The following MATK variants were observed in gnomAD, a reference collection of about 807,000 sequenced individuals.
MATK encodes the protein megakaryocyte-associated tyrosine kinase.
In MATK, 41 loss-of-function variants were observed where a neutral mutation model predicts 59.8. The ratio of observed to expected loss-of-function variants is 0.69; its 90% CI spans 0.53 to 0.89. The LOEUF is 0.89. MATK is among the 40% of genes least tolerant of loss of function. The pLI, the probability that MATK is intolerant of heterozygous loss-of-function variation, is 0.00. For synonymous variants in MATK, 308 were observed against 306.1 expected, an observed-to-expected ratio of 1.01 and a Z score of -0.06; for missense variants, 593 against 719.6, an observed-to-expected ratio of 0.82 and a Z score of 2.01.
chr19:3,782,700 T>C (rs1356526696), intron 7 of MATK: 3 of 191,588 alleles, frequency 1.6e-5, no homozygotes, highest in South Asian at 1.0e-4. Flanking sequence ...GATAGAAAGA[T>C]AACCTTGAGG....
intron 4 of MATK, 37 bp from the exon 5 acceptor site, chr19:3,784,276 G>A (rs2037446037): frequency 6.3e-7 from 1 of 1,599,134 alleles, no homozygotes; most frequent in Non-Finnish European, 8.5e-7. Context: ...TGTGGGGGGT[G>A]TGGGGGTGGT....
At chr19:3,790,547 C>T (rs1224183162), upstream of MATK, among the ~76,000 whole-genome samples, 1 of 152,212 alleles carries the variant, frequency 6.6e-6, no homozygotes, top group Admixed American at 6.5e-5. Flanking sequence ...GCCTAAAATG[C>T]TCAGCCTGGC....
At chr19:3,792,576 C>A (rs1456866461) in intron 1 of MATK, among the ~76,000 whole-genome samples, 1 of 132,182 alleles carries the variant, frequency 7.6e-6, no homozygotes, top group Admixed American at 9.2e-5. Flanking sequence ...TGCAGTGGTG[C>A]GATCTCAGCT....
intron 7 of MATK, 128 bp downstream of exon 7, chr19:3,782,998 T>A: frequency 2.5e-6 from 2 of 795,414 alleles, no homozygotes; most frequent in Non-Finnish European, 4.1e-6. Flanking sequence ...AGGTCTTCTA[T>A]CCCATAGCTG....
chr19:3,783,837 A>C lies in MATK; in HGVS notation c.559T>G (p.Cys187Gly). Reference protein sequence around the residue: ...HLTIDEAVFFCNLMDMVEHYS... With the variant: ...HLTIDEAVFFGNLMDMVEHYS... ...ACCTCCACCATGTCCATGAGGTTGC[A>C]GAAGAACACGGCCTCATCGATTGTG... is the stretch of plus-strand genomic sequence containing the variant. Residue 187 changes from cysteine (C) to glycine (G), a missense_variant, in exon 6 of 14, where the codon TGC becomes GGC. Physicochemically the swap from Cys to Gly is radical, Grantham distance 159 (BLOSUM62 -3). Transcript: ENST00000310132. The C allele has an allele frequency of 6.2e-7, 1 of 1,612,580 alleles. No individual in the cohort carries two copies. Among genetic ancestry groups the C allele is most frequent in the East Asian group, 2.2e-5 (1 of 44,846 alleles).
chr19:3,783,374 G>A (rs2037429022), intron 6 of MATK, 155 bp from the exon 7 acceptor site: 2 of 653,672 alleles, frequency 3.1e-6, no homozygotes, highest in Non-Finnish European at 5.5e-6. Context: ...CAAGCCAAAA[G>A]GAGGGGGAGT....
chr19:3,784,964 TG>T, intron 2 of MATK, 80 bp from the exon 3 acceptor site: 1 of 1,423,882 alleles, frequency 7.0e-7, no homozygotes, highest in Non-Finnish European at 9.9e-7. Flanking sequence ...CCAGGTCAGG[TG>T]GGGGCGATGG....
chr19:3,789,432 C>A, upstream of MATK: 1 of 611,784 alleles, frequency 1.6e-6, no homozygotes. Context: ...TAGTGTCAGT[C>A]CTCCCGAGGA....
rs982708499 is a variant in MATK at position 3,786,122 on chromosome 19, C to T, written c.-152+47G>A. On this transcript the variant is annotated intron_variant, in intron 1 of 13. Transcript: ENST00000310132. This position sits in a 1 kb window ranked among gnomAD's most constrained non-coding sequence, Gnocchi z 4.1. Reference sequence around the variant, plus strand: ...GCCTAGAGCCCTCGGGGTTTCCCCCCACCCCGGCCTCGGGGTCTCTCCACG... The same window carrying T: ...GCCTAGAGCCCTCGGGGTTTCCCCCTACCCCGGCCTCGGGGTCTCTCCACG... 5 of 866,178 alleles carry T rather than the reference C, an allele frequency of 5.8e-6. No individual in the cohort carries two copies. The highest frequency in any genetic ancestry group is 5.5e-6 in the Non-Finnish European group (4 of 720,974). The allele number at this position is 866,178 out of a possible 1,614,324, so 53.7% of individuals were successfully genotyped here.
upstream of MATK, among the ~76,000 whole-genome samples, chr19:3,788,641 A>AAT (rs1568409505): frequency 6.7e-6 from 1 of 150,056 alleles, no homozygotes; most frequent in African/African-American, 2.4e-5. Context: ...AAAAAAAAAA[A>AAT]ATAGAGATGG....
rs748240029 is a variant in MATK at position 3,784,173 on chromosome 19, G to A, written c.313C>T (p.Leu105=). The change falls in exon 5 of 14, where the codon CTG becomes TTG. Residue 105 remains leucine (L), a synonymous_variant. Transcript: ENST00000310132. ...GQEGLLAAGA[L]REREALSADP... Reference sequence around the variant, plus strand: ...GCGGAGAGGGCCTCCCGCTCCCGCAGCGCCCCAGCTGCCAGCAGCCCCTCC... The same window carrying A: ...GCGGAGAGGGCCTCCCGCTCCCGCAACGCCCCAGCTGCCAGCAGCCCCTCC... The A allele has an allele frequency of 6.2e-7, 1 of 1,613,442 alleles. No homozygotes were observed.
In MATK at chr19:3,779,499, C is replaced by G. The variant is rs376555907; in HGVS notation, c.927+34G>C. 3.7e-6 allele frequency: 6 copies of G among 1,609,914 alleles called. No individual in the cohort carries two copies. In the African/African-American group the frequency reaches 4.0e-5, roughly 11 times the overall value. On this transcript the variant is annotated intron_variant, in intron 10 of 13. Coordinates refer to ENST00000310132, the MANE Select transcript of MATK (RefSeq NM_139355.3). ...GCGGGATGTTGGGGCTGCTCCGCTG[C>G]GTGGGCCCCCTCCCCGCCTGGGCCC...
intron 1 of MATK, chr19:3,793,178 C>T (rs2037558905): frequency 6.6e-6 from 1 of 152,244 alleles, no homozygotes; most frequent in Non-Finnish European, 1.5e-5. Flanking sequence ...CTTGCCCCGT[C>T]TTCCTCGTCC....
At chr19:3,797,325 C>G (rs938995214) in intron 1 of MATK, among the ~76,000 whole-genome samples, 2 of 133,756 alleles carry the variant, frequency 1.5e-5, no homozygotes, top group African/African-American at 5.7e-5. Context: ...GAGACAGGGT[C>G]TCACTCTGTT....
In MATK at chr19:3,778,530, T is replaced by C. The variant is rs2037351721; in HGVS notation, c.1263A>G (p.Gly421=). 1.2e-6 allele frequency: 2 copies of C among 1,613,654 alleles called. No individual in the cohort carries two copies. The highest frequency in any genetic ancestry group is 2.7e-5 in the African/African-American group (2 of 74,886). Residue 421 remains glycine (G), a synonymous_variant, in exon 13 of 14, where the codon GGA becomes GGG. Coordinates refer to ENST00000310132, the MANE Select transcript of MATK (RefSeq NM_139355.3). ...GVLLWEVFSY[G]RAPYPKMSLK... ...TCACCATTTTAGGGTACGGAGCCCG[T>C]CCATATGAGAAGACCTCCCAGAGCA...
chr19:3,784,817 ACACT>A lies in MATK; in HGVS notation c.132+4_132+7del, dbSNP rs779386917. Reference sequence around the variant, plus strand: ...GGGGAGCAGAGGAAGCAGGCTAGACACACTCACCGTTGGCATCCTGGCTGAGACG... The same window carrying A: ...GGGGAGCAGAGGAAGCAGGCTAGACACACCGTTGGCATCCTGGCTGAGACG... On this transcript the variant is annotated splice_donor_5th_base_variant and intron_variant, in intron 3 of 13. Coordinates refer to ENST00000310132, the MANE Select transcript of MATK (RefSeq NM_139355.3). The A allele has an allele frequency of 2.1e-5, 33 of 1,550,148 alleles. No homozygotes were observed. The highest frequency in any genetic ancestry group is 3.5e-6 in the Non-Finnish European group (4 of 1,145,530).
rs1029254052 is a variant in MATK, at chr19:3,783,845, AC to A, written c.550del (p.Val184CysfsTer25). 2 of 1,612,828 alleles carry A rather than the reference AC, an allele frequency of 1.2e-6. No homozygotes were observed. Among genetic ancestry groups the A allele is most frequent in the African/African-American group, 2.7e-5 (2 of 74,900 alleles). On this transcript the variant is annotated frameshift_variant, in exon 6 of 14. Transcript: ENST00000310132. LOFTEE classifies it high-confidence loss of function. The part of the protein sequence containing the change: ...RDGHLTIDEA[V>X]FFCNLMDMVE... ...CATGTCCATGAGGTTGCAGAAGAACACGGCCTCATCGATTGTGAGGTGGCCG... is the reference window on the plus strand; with the variant it reads ...CATGTCCATGAGGTTGCAGAAGAACAGGCCTCATCGATTGTGAGGTGGCCG...
intron 1 of MATK, among the ~76,000 whole-genome samples, chr19:3,798,464 A>G (rs1308799220): frequency 6.6e-6 from 1 of 152,202 alleles, no homozygotes; most frequent in Non-Finnish European, 1.5e-5. Context: ...TCTAGAAGCC[A>G]CAAGAGGTTA....
At position 3,784,375 on chromosome 19, in the gene MATK, C is replaced by T. The variant is rs145727316; in HGVS notation, c.209G>A (p.Arg70His). 3.9e-5 allele frequency: 62 copies of T among 1,608,554 alleles called. No homozygotes were observed. The highest frequency in any genetic ancestry group is 3.3e-4 in the Middle Eastern group (2 of 6,000). ...CAGGATGGTGACCACGTCGCCCTTG[C>T]GGAAGGCCAGCTCCCCTGGCTTGGG... is the stretch of plus-strand genomic sequence containing the variant. The part of the protein sequence containing the change: ...TRPKPGELAF[R>H]KGDVVTILEA... The change falls in exon 4 of 14, where the codon CGC (arginine) becomes CAC (histidine). Residue 70 changes from arginine (R) to histidine (H), a missense_variant. Arg to His is a conservative substitution (Grantham distance 29, BLOSUM62 0). Transcript: ENST00000310132.
Sources: allele counts gnomAD v4.1 joint callset (sites outside exome capture counted in the v4.1 genomes callset), GRCh38; gene constraint gnomAD v4.1.1; non-coding constraint Gnocchi (gnomAD v3.1); transcripts MANE v1.5; gene names NCBI Gene and HGNC (gene_info 2026-07-23, HGNC 2026-07-21).